The following DLC1 variants were observed in gnomAD, a reference collection of about 807,000 sequenced individuals.
DLC1 encodes the protein DLC1 Rho GTPase activating protein.
A neutral mutation model predicts 140.3 loss-of-function variants in DLC1; 54 were observed. The observed-to-expected ratio is 0.38, with a 90% confidence interval of 0.31 to 0.48. DLC1 has a LOEUF of 0.48. Among genes scored for constraint, DLC1 ranks in the 20% least tolerant of loss-of-function variants. The pLI, the probability that DLC1 is intolerant of heterozygous loss-of-function variation, is 0.96. For missense variants in DLC1, 2,536 were observed against 1,907.0 expected, an observed-to-expected ratio of 1.33 and a Z score of -6.14; for synonymous variants, 986 against 728.1, an observed-to-expected ratio of 1.35 and a Z score of -5.70.
intron 4 of DLC1, among the ~76,000 whole-genome samples, chr8:13,378,589 T>C (rs6982033): frequency 0.13 from 19,944 of 152,188 alleles, 1,474 homozygotes; most frequent in Non-Finnish European, 0.17. Context: ...ATTTCACTTA[T>C]TTACAAACCT....
At chr8:13,109,427 T>G (rs1819875889) in intron 7 of DLC1, among the ~76,000 whole-genome samples, 1 of 151,940 alleles carries the variant, frequency 6.6e-6, no homozygotes, top group Non-Finnish European at 1.5e-5. Context: ...TATGGTGGTG[T>G]GCACCTGCAG....
chr8:13,099,785 A>G lies in DLC1; in HGVS notation c.2552T>C (p.Leu851Pro), dbSNP rs776661253. ...GSFHGPGHIS[L>P]RRENSSDSPK... Reference sequence around the variant, plus strand: ...GCTGTCGCTACTGTTTTCCCTCCTGAGGCTGATGTGGCCAGGGCCGTGGAA... The same window carrying G: ...GCTGTCGCTACTGTTTTCCCTCCTGGGGCTGATGTGGCCAGGGCCGTGGAA... The change falls in exon 9 of 18, where the codon CTC becomes CCC. Residue 851 changes from leucine to proline, a missense_variant. Leu to Pro is a moderately conservative substitution (Grantham distance 98). Coordinates refer to ENST00000276297, the MANE Select transcript of DLC1 (RefSeq NM_182643.3). 1.4e-5 allele frequency: 22 copies of G among 1,613,974 alleles called. No individual in the cohort carries two copies. Among genetic ancestry groups the G allele is most frequent in the Non-Finnish European group, 1.9e-5 (22 of 1,180,004 alleles).
At position 13,396,058 on chromosome 8, in the gene DLC1, C is replaced by CTTTTTTT. The variant is rs1458503033; in HGVS notation, c.1174-2366_1174-2365insAAAAAAA. 4.3e-4 allele frequency among the ~76,000 whole-genome samples: 58 copies of CTTTTTTT among 133,378 alleles called. 2 individuals are homozygous for CTTTTTTT. Among genetic ancestry groups the CTTTTTTT allele is most frequent in the Non-Finnish European group, 6.6e-4 (42 of 63,858 alleles). 87.5% of individuals were successfully genotyped at this position (133,378 alleles called of 152,430 possible). On this transcript the variant is annotated intron_variant, in intron 3 of 17. Transcript: ENST00000276297. ...GAAATATTTTGCATTAATTTCTTTT[C>CTTTTTTT]TTTCTTTTTTTTTTTTTTTGAGACG...
At chr8:13,523,124 T>C (rs534268090) in intron 1 of DLC1, among the ~76,000 whole-genome samples, 1 of 152,300 alleles carries the variant, frequency 6.6e-6, no homozygotes, top group East Asian at 1.9e-4. Flanking sequence ...CAAGATCTAC[T>C]TTACATTTTA....
At chr8:13,569,835 C>T (rs1370730529) in intron 1 of DLC1, among the ~76,000 whole-genome samples, 1 of 152,206 alleles carries the variant, frequency 6.6e-6, no homozygotes, top group Non-Finnish European at 1.5e-5. Flanking sequence ...GATCCTCTCA[C>T]CTCAGCCTCC....
At chr8:13,188,789 G>A (rs558276261) in intron 5 of DLC1, among the ~76,000 whole-genome samples, 2 of 85,234 alleles carry the variant, frequency 2.3e-5, no homozygotes, top group Non-Finnish European at 4.6e-5. Context: ...GTGTGTGTGT[G>A]TGTGTGTGTG....
At chr8:13,279,954 G>C (rs576804893) in intron 5 of DLC1, among the ~76,000 whole-genome samples, 205 of 152,076 alleles carry the variant, frequency 1.3e-3, no homozygotes, top group Non-Finnish European at 1.8e-3. Context: ...TGAGTTCATT[G>C]GTTTTTCAAG....
chr8:13,442,412 C>T (rs1798558874), intron 2 of DLC1, among the ~76,000 whole-genome samples: 1 of 152,150 alleles, frequency 6.6e-6, no homozygotes, highest in African/African-American at 2.4e-5. Context: ...TCACAGTGAA[C>T]AGGCAACCTA....
intron 1 of DLC1, among the ~76,000 whole-genome samples, chr8:13,590,859 G>C (rs1044053643): frequency 6.6e-6 from 1 of 152,084 alleles, no homozygotes; most frequent in African/African-American, 2.4e-5. Flanking sequence ...TACAACTTAA[G>C]CACAAATACA....
At chr8:13,448,015 G>A (rs1441360488) in intron 2 of DLC1, among the ~76,000 whole-genome samples, 1 of 152,076 alleles carries the variant, frequency 6.6e-6, no homozygotes, top group South Asian at 2.1e-4. Context: ...AACACCCAAG[G>A]CCTAGAATAT....
intron 1 of DLC1, among the ~76,000 whole-genome samples, chr8:13,563,189 T>G (rs1804304976): frequency 6.6e-6 from 1 of 152,180 alleles, no homozygotes; most frequent in South Asian, 2.1e-4. Flanking sequence ...GTTAGCCAAA[T>G]GCAGTCAGTG....
At chr8:13,496,176 A>G (rs192496783) in intron 2 of DLC1, among the ~76,000 whole-genome samples, 2 of 152,310 alleles carry the variant, frequency 1.3e-5, no homozygotes, top group African/African-American at 4.8e-5. Context: ...CAAAAAACTT[A>G]TCTCTTCTAA....
intron 2 of DLC1, among the ~76,000 whole-genome samples, chr8:13,443,657 C>CAAAAAAAAAAAAAAAAAA (rs11321891): frequency 3.0e-5 from 2 of 67,024 alleles, no homozygotes; most frequent in Non-Finnish European, 6.9e-5. Context: ...GACTCCGTCT[C>CAAAAAAAAAAAAAAAAAA]AAAAAAAAAA....
intron 4 of DLC1, among the ~76,000 whole-genome samples, chr8:13,370,768 C>T (rs1835690424): frequency 1.3e-5 from 2 of 152,154 alleles, no homozygotes. Context: ...TACAGCATCC[C>T]AAGCCTCATA....
chr8:13,131,280 T>A (rs1453701219), intron 5 of DLC1, among the ~76,000 whole-genome samples: 1 of 152,138 alleles, frequency 6.6e-6, no homozygotes, highest in African/African-American at 2.4e-5. Flanking sequence ...TAGATTTACA[T>A]TCAGAGGGCT....
chr8:13,185,718 A>G (rs1826331974), intron 5 of DLC1, among the ~76,000 whole-genome samples: 1 of 152,152 alleles, frequency 6.6e-6, no homozygotes, highest in Non-Finnish European at 1.5e-5. Context: ...TTGCCCATTA[A>G]TTAATGTAGT....
chr8:13,604,357 C>T (rs1805979483), intron 1 of DLC1, among the ~76,000 whole-genome samples: 1 of 152,124 alleles, frequency 6.6e-6, no homozygotes, highest in Non-Finnish European at 1.5e-5. Flanking sequence ...AGCATCTCAA[C>T]TTCTTTTATG....
intron 5 of DLC1, among the ~76,000 whole-genome samples, chr8:13,154,028 C>T (rs891641774): frequency 6.6e-6 from 1 of 152,054 alleles, no homozygotes; most frequent in Non-Finnish European, 1.5e-5. Flanking sequence ...CTCCAAGTCC[C>T]CACCAGATTA....
intron 5 of DLC1, among the ~76,000 whole-genome samples, chr8:13,254,350 G>C (rs1451015863): frequency 6.6e-6 from 1 of 152,142 alleles, no homozygotes; most frequent in African/African-American, 2.4e-5. Context: ...GCCTTTCCCA[G>C]TTGTAGCCTG....
Sources: allele counts gnomAD v4.1 joint callset (sites outside exome capture counted in the v4.1 genomes callset), GRCh38; gene constraint gnomAD v4.1.1; transcripts MANE v1.5; gene names NCBI Gene and HGNC (gene_info 2026-07-23, HGNC 2026-07-21).